Variants in PTPRM observed in about 807,000 individuals in gnomAD.
The protein encoded by PTPRM is protein tyrosine phosphatase receptor type M.
A neutral mutation model predicts 186.7 loss-of-function variants in PTPRM; 47 were observed. The observed-to-expected ratio is 0.25, with a 90% CI of 0.20 to 0.32. PTPRM has a LOEUF of 0.32. Among genes scored for constraint, PTPRM ranks in the 10% least tolerant of loss-of-function variants. The probability of loss-of-function intolerance (pLI) is 1.00; values close to 1 mark genes in which losing one functional copy is unlikely to be tolerated. For synonymous variants in PTPRM, 668 were observed against 674.9 expected, an observed-to-expected ratio of 0.99 and a Z score of 0.16; for missense variants, 1,494 against 1,865.0, an observed-to-expected ratio of 0.80 and a Z score of 3.66.
At chr18:8,086,559 G>A (rs1236221181) in intron 10 of PTPRM, among the ~76,000 whole-genome samples, 1 of 152,172 alleles carries the variant, frequency 6.6e-6, no homozygotes, top group Non-Finnish European at 1.5e-5. Flanking sequence ...GGGTATGAGT[G>A]TGGAAGTGTT....
chr18:8,172,348 G>T (rs1365982901), intron 14 of PTPRM, among the ~76,000 whole-genome samples: 1 of 149,602 alleles, frequency 6.7e-6, no homozygotes, highest in Admixed American at 6.7e-5. Context: ...TTGTTTTATG[G>T]TCTTGCTGCA....
intron 4 of PTPRM, among the ~76,000 whole-genome samples, chr18:7,915,539 A>C (rs892301905): frequency 1.3e-5 from 2 of 152,304 alleles, no homozygotes; most frequent in South Asian, 4.1e-4. Flanking sequence ...GTGATAGATC[A>C]GTTATTTTAA....
chr18:8,362,746 T>A (rs1263901242), intron 23 of PTPRM, among the ~76,000 whole-genome samples: 3 of 152,232 alleles, frequency 2.0e-5, no homozygotes, highest in Admixed American at 6.5e-5. Context: ...TTTTCATTTT[T>A]AAAATTTTAA....
At chr18:8,123,428 A>G (rs2092243345) in intron 13 of PTPRM, among the ~76,000 whole-genome samples, 1 of 152,240 alleles carries the variant, frequency 6.6e-6, no homozygotes, top group Admixed American at 6.5e-5. Flanking sequence ...TTGGACAGTA[A>G]AGAAAACTAA....
At chr18:7,720,498 C>T in intron 1 of PTPRM, among the ~76,000 whole-genome samples, 1 of 152,126 alleles carries the variant, frequency 6.6e-6, no homozygotes, top group East Asian at 1.9e-4. Context: ...AAAATCCATA[C>T]TACATAAAAT....
intron 11 of PTPRM, among the ~76,000 whole-genome samples, chr18:8,107,372 C>A (rs893804600): frequency 6.6e-6 from 1 of 152,176 alleles, no homozygotes; most frequent in Non-Finnish European, 1.5e-5. Flanking sequence ...TTTTTATTAT[C>A]CCAAACCTCC....
At chr18:8,218,578 T>G (rs1358935945) in intron 14 of PTPRM, among the ~76,000 whole-genome samples, 1 of 152,218 alleles carries the variant, frequency 6.6e-6, no homozygotes, top group Non-Finnish European at 1.5e-5. Flanking sequence ...GCAGATTATC[T>G]GTTGCACTCT....
At position 8,206,268 on chromosome 18, in the gene PTPRM, A is replaced by ATTTTATTTTTTTTTTTT. The variant is rs1238112461; in HGVS notation, c.2301-37786_2301-37785insATTTTTTTTTTTTTTTT. Reference sequence around the variant, plus strand: ...CTGAATTTTTATTTTATTTTATTTTATTTTGAGACGGAGTCTTGCACTGTC... The same window carrying ATTTTATTTTTTTTTTTT: ...CTGAATTTTTATTTTATTTTATTTTATTTTATTTTTTTTTTTTTTTTGAGACGGAGTCTTGCACTGTC... On this transcript the variant is annotated intron_variant, in intron 14 of 32. Transcript: ENST00000580170. Among the ~76,000 whole-genome samples the ATTTTATTTTTTTTTTTT allele has an allele frequency of 1.2e-3, 180 of 149,086 alleles. 2 individuals are homozygous for ATTTTATTTTTTTTTTTT. Among genetic ancestry groups the ATTTTATTTTTTTTTTTT allele is most frequent in the African/African-American group, 4.5e-3 (174 of 38,698 alleles).
chr18:8,382,105 T>C (rs184050111), intron 29 of PTPRM, among the ~76,000 whole-genome samples: 1 of 152,318 alleles, frequency 6.6e-6, no homozygotes, highest in Admixed American at 6.5e-5. Flanking sequence ...ATTCAGTCTT[T>C]TAGCGAACAC....
At chr18:8,035,574 TG>T (rs1394020440) in intron 7 of PTPRM, among the ~76,000 whole-genome samples, 15 of 152,320 alleles carry the variant, frequency 9.8e-5, no homozygotes, top group Non-Finnish European at 2.9e-5. Context: ...TTATTTTTAT[TG>T]TTTTTTTCCC....
chr18:7,921,129 C>A (rs1009729784), intron 4 of PTPRM, among the ~76,000 whole-genome samples: 1 of 152,120 alleles, frequency 6.6e-6, no homozygotes, highest in Non-Finnish European at 1.5e-5. Flanking sequence ...GGATATTTAT[C>A]TCTTTCATGT....
At chr18:7,885,394 C>T (rs1025087075) in intron 2 of PTPRM, among the ~76,000 whole-genome samples, 4 of 152,186 alleles carry the variant, frequency 2.6e-5, no homozygotes, top group African/African-American at 9.6e-5. Context: ...CTTCTTGCCA[C>T]TCCTTGCATT....
At chr18:7,900,474 T>G (rs1176512660) in intron 3 of PTPRM, among the ~76,000 whole-genome samples, 1 of 152,212 alleles carries the variant, frequency 6.6e-6, no homozygotes, top group African/African-American at 2.4e-5. Context: ...CGTATCAGTC[T>G]TCCCAATTGC....
Position 7,658,330 on chromosome 18 carries a change from TTATATATATA to T in PTPRM, c.73+90460_73+90469del, listed in dbSNP as rs34009975. On this transcript the variant is annotated intron_variant, in intron 1 of 32. Coordinates refer to ENST00000580170, the MANE Select transcript of PTPRM (RefSeq NM_001105244.2). Reference sequence around the variant, plus strand: ...GTGGCTTCCTAAAATTAAAGTAAATTTATATATATATATATATATATATATATATACATAC... The same window carrying T: ...GTGGCTTCCTAAAATTAAAGTAAATTTATATATATATATATATATACATAC... Among the ~76,000 whole-genome samples, 34 of 124,440 alleles carry T rather than the reference TTATATATATA, an allele frequency of 2.7e-4. 1 individual carries two copies. The highest frequency in any genetic ancestry group is 8.3e-4 in the African/African-American group (27 of 32,646). The allele number at this position is 124,440 out of a possible 152,430, so 81.6% of individuals were successfully genotyped here.
intron 8 of PTPRM, 151 bp from the exon 9 acceptor site, chr18:8,076,304 G>A (rs1239899642): frequency 2.5e-5 from 15 of 588,370 alleles, no homozygotes; most frequent in Non-Finnish European, 3.6e-5. Context: ...AGCTAAAATT[G>A]TTTAAGATTC....
Position 8,085,750 on chromosome 18 carries a change from A to G in PTPRM, c.1631A>G (p.Asn544Ser). 1.2e-6 allele frequency: 2 copies of G among 1,612,570 alleles called. No individual in the cohort carries two copies. Among genetic ancestry groups the G allele is most frequent in the Non-Finnish European group, 1.7e-6 (2 of 1,178,706 alleles). ...AGTGGAAGAGTTTCAAAGCTGGGAA[A>G]TGAAACCCATTTTCTGTTTTTTGGA... is the stretch of plus-strand genomic sequence containing the variant. ...NQSGRVSKLG[N>S]ETHFLFFGLY... Residue 544 changes from asparagine to serine, a missense_variant, in exon 10 of 33, where the codon AAT (asparagine) becomes AGT (serine). Asn to Ser is a conservative substitution (Grantham distance 46). Transcript: ENST00000580170.
At chr18:7,706,732 A>C (rs2040103011) in intron 1 of PTPRM, among the ~76,000 whole-genome samples, 1 of 152,004 alleles carries the variant, frequency 6.6e-6, no homozygotes, top group African/African-American at 2.4e-5. Flanking sequence ...CACAATGAAA[A>C]GTATACCTTG....
intron 7 of PTPRM, among the ~76,000 whole-genome samples, chr18:8,047,072 G>T (rs1181916946): frequency 6.6e-6 from 1 of 152,132 alleles, no homozygotes; most frequent in Non-Finnish European, 1.5e-5. Context: ...ACGAAACTAA[G>T]ACTTTTTAAG....
intron 1 of PTPRM, among the ~76,000 whole-genome samples, chr18:7,676,657 G>GTGTA (rs1555650394): frequency 1.6e-5 from 2 of 127,362 alleles, no homozygotes; most frequent in East Asian, 4.6e-4. Context: ...GTGTGTGTGT[G>GTGTA]TGTGTATGTG....
Sources: allele counts gnomAD v4.1 joint callset (sites outside exome capture counted in the v4.1 genomes callset), GRCh38; gene constraint gnomAD v4.1.1; transcripts MANE v1.5; gene names NCBI Gene and HGNC (gene_info 2026-07-23, HGNC 2026-07-21).